ZRSR2: variants seen among roughly 807,000 people sequenced by gnomAD.
ZRSR2 encodes U2 small nuclear ribonucleoprotein auxiliary factor 35 kDa subunit-related protein 2.
A neutral mutation model predicts 39.4 loss-of-function variants in ZRSR2; 3 were observed. That is an observed-to-expected ratio of 0.08 (90% CI 0.03 to 0.20). The LOEUF (loss-of-function observed/expected upper bound fraction) is 0.20. Among genes scored for constraint, ZRSR2 ranks in the 10% least tolerant of loss-of-function variants. The pLI, the probability that ZRSR2 is intolerant of heterozygous loss-of-function variation, is 1.00. For missense variants in ZRSR2, 256 were observed against 391.5 expected (o/e 0.65, Z 2.92); for synonymous variants, 137 against 136.0 (o/e 1.01, Z -0.05).
intron 2 of ZRSR2, among the ~76,000 whole-genome samples, chrX:15,796,553 A>G (rs1932467727): frequency 9.0e-6 from 1 of 111,157 alleles, no homozygotes; most frequent in South Asian, 3.7e-4. Context: ...AGTTAATTTC[A>G]TGCAGTTATG....
chrX:15,791,560 C>T (rs1415709248), intron 2 of ZRSR2, among the ~76,000 whole-genome samples: 1 of 111,303 alleles, frequency 9.0e-6, no homozygotes, highest in African/African-American at 3.3e-5. Flanking sequence ...GCCTCCACCT[C>T]CCAGGCTCAA....
At chrX:15,808,132 G>T (rs187932928) in intron 5 of ZRSR2, 101 bp from the exon 6 acceptor site, 66 of 694,674 alleles carry the variant, frequency 9.5e-5, no homozygotes, top group Non-Finnish European at 7.0e-6. Context: ...GTGTGCGTGT[G>T]TGTGTTTTAA....
chrX:15,818,485 G>T, intron 8 of ZRSR2, 102 bp from the exon 9 acceptor site: 1 of 725,252 alleles, frequency 1.4e-6, no homozygotes. Context: ...ATCTTTGATT[G>T]GTAACTACTT....
At chrX:15,807,991 G>A (rs1409675313) in intron 5 of ZRSR2, among the ~76,000 whole-genome samples, 1 of 110,242 alleles carries the variant, frequency 9.1e-6, no homozygotes, top group African/African-American at 3.3e-5. Context: ...AGTGAGCTGA[G>A]GTCACGCCAC....
At chrX:15,806,761 G>T (rs1194563537) in intron 5 of ZRSR2, among the ~76,000 whole-genome samples, 1 of 110,618 alleles carries the variant, frequency 9.0e-6, no homozygotes, top group Non-Finnish European at 1.9e-5. Flanking sequence ...TCTGCCTCCC[G>T]GGTTCAAGCG....
At chrX:15,803,359 T>G (rs1186593643) in intron 3 of ZRSR2, among the ~76,000 whole-genome samples, 4 of 111,817 alleles carry the variant, frequency 3.6e-5, no homozygotes, top group Non-Finnish European at 7.5e-5. Flanking sequence ...TTGCTACCCA[T>G]TTTATTGTCA....
chrX:15,794,712 A>G (rs1932392104), intron 2 of ZRSR2, among the ~76,000 whole-genome samples: 1 of 111,703 alleles, frequency 9.0e-6, no homozygotes, highest in African/African-American at 3.3e-5. Flanking sequence ...GGTAGACGGC[A>G]CTTGGTGTAA....
At chrX:15,811,648 G>T (rs1932884926) in intron 7 of ZRSR2, among the ~76,000 whole-genome samples, 1 of 112,045 alleles carries the variant, frequency 8.9e-6, no homozygotes, top group Non-Finnish European at 1.9e-5. Context: ...GGATGGTCTC[G>T]ATCTCTTGAC....
chrX:15,799,735 G>A, intron 2 of ZRSR2, 137 bp from the exon 3 acceptor site: 1 of 406,391 alleles, frequency 2.5e-6, no homozygotes, highest in Non-Finnish European at 4.2e-6. Flanking sequence ...AGGTTGATCA[G>A]AGACCTTTTT....
Position 15,815,913 on chromosome X carries a change from G to T in ZRSR2, c.771+23G>T, listed in dbSNP as rs374416170. ...AAGGTGGGCATGCGTGTGGAGGAGG[G>T]GACTGGTTTGCTTCACCCTGCAGTA... On this transcript the variant is annotated intron_variant, in intron 8 of 10. Transcript: ENST00000307771. 3.4e-6 allele frequency: 4 copies of T among 1,162,865 alleles called. No homozygotes were observed. In the African/African-American group the frequency reaches 5.4e-5, roughly 16 times the overall value.
At chrX:15,797,272 G>A (rs1322528377) in intron 2 of ZRSR2, among the ~76,000 whole-genome samples, 1 of 101,604 alleles carries the variant, frequency 9.8e-6, no homozygotes, top group Non-Finnish European at 2.0e-5. Flanking sequence ...GTGCAGTGGC[G>A]CGATCTTGAC....
At chrX:15,802,701 C>T (rs1014234705) in intron 3 of ZRSR2, among the ~76,000 whole-genome samples, 1 of 110,671 alleles carries the variant, frequency 9.0e-6, no homozygotes, top group Middle Eastern at 4.6e-3. Flanking sequence ...TCAGGTGATC[C>T]GCCCGCCTCA....
In ZRSR2 at chrX:15,799,895, G is replaced by C; in HGVS notation, c.145G>C (p.Glu49Gln). The change falls in exon 3 of 11, where the codon GAG becomes CAG. Residue 49 changes from glutamate to glutamine, a missense_variant. Glu to Gln is a conservative substitution (Grantham distance 29). Around this residue, in one of 3 missense-constraint regions of ZRSR2, gnomAD observed 87 missense variants for 111.7 expected, o/e 0.78. Transcript: ENST00000307771. Reference protein sequence around the residue: ...DSGLSQKEEEEDTFIEEQQLE... With the variant: ...DSGLSQKEEEQDTFIEEQQLE... Reference sequence around the variant, plus strand: ...AGGACTCTCACAGAAGGAGGAAGAGGAGGACACTTTTATTGAAGAACAACA... The same window carrying C: ...AGGACTCTCACAGAAGGAGGAAGAGCAGGACACTTTTATTGAAGAACAACA... 1.7e-6 allele frequency: 2 copies of C among 1,203,071 alleles called. No individual in the cohort carries two copies. Among genetic ancestry groups the C allele is most frequent in the Non-Finnish European group, 2.2e-6 (2 of 889,158 alleles).
intron 2 of ZRSR2, among the ~76,000 whole-genome samples, chrX:15,796,731 G>T (rs986556241): frequency 9.7e-6 from 1 of 103,431 alleles, no homozygotes; most frequent in African/African-American, 3.5e-5. Context: ...GTTTGAGACC[G>T]AACTTCTCTG....
intron 8 of ZRSR2, among the ~76,000 whole-genome samples, chrX:15,816,430 T>C (rs965111211): frequency 5.3e-5 from 6 of 112,257 alleles, no homozygotes; most frequent in Non-Finnish European, 1.1e-4. Flanking sequence ...CCCCCTTCTT[T>C]TTTTTACACT....
In ZRSR2 at chrX:15,799,910, G is replaced by A. The variant is rs771966906; in HGVS notation, c.160G>A (p.Glu54Lys). The A allele has an allele frequency of 8.3e-7, 1 of 1,205,346 alleles. No homozygotes were observed. Among genetic ancestry groups the A allele is most frequent in the Non-Finnish European group, 1.1e-6 (1 of 891,270 alleles). ...GGAGGAAGAGGAGGACACTTTTATT[G>A]AAGAACAACAACTAGAAGAAGAGAA... The part of the protein sequence containing the change: ...QKEEEEDTFI[E>K]EQQLEEEKLL... Residue 54 changes from glutamate to lysine, a missense_variant, in exon 3 of 11, where the codon GAA becomes AAA. Glu to Lys is a moderately conservative substitution (Grantham distance 56). This residue lies in a region of ZRSR2 where 87 missense variants were observed against 111.7 expected (regional missense o/e 0.78). Transcript: ENST00000307771.
chrX:15,815,133 G>A lies in ZRSR2; in HGVS notation c.558-544G>A, dbSNP rs148769893. Among the ~76,000 whole-genome samples, 74 of 112,055 alleles carry A rather than the reference G, an allele frequency of 6.6e-4. 2 individuals carry two copies. The East Asian group carries it at 0.017, about 26-fold the overall frequency. On this transcript the variant is annotated intron_variant, in intron 7 of 10. Transcript: ENST00000307771. ...CTGAATGGTATATGAACTTTGAAAT[G>A]TTTCCAACTTGACATTAAAACAGCA...
chrX:15,810,215 G>C (rs1364200317), intron 7 of ZRSR2, among the ~76,000 whole-genome samples: 1 of 112,103 alleles, frequency 8.9e-6, no homozygotes, highest in African/African-American at 3.2e-5. Context: ...CGTTCATGTG[G>C]AAACCTAGTG....
chrX:15,822,643 A>G (rs990677215), intron 10 of ZRSR2, 88 bp from the exon 11 acceptor site: 2 of 1,188,058 alleles, frequency 1.7e-6, no homozygotes, highest in Non-Finnish European at 1.1e-6. Context: ...GCATATCCAA[A>G]TATCAGAAAT....
Sources: gnomAD v4.1 joint callset for allele counts (sites outside exome capture counted in the v4.1 genomes callset) on GRCh38, gnomAD v4.1.1 for gene constraint, gnomAD v4.1.1 regional missense constraint, MANE v1.5 for transcripts, NCBI Gene and HGNC (gene_info 2026-07-23, HGNC 2026-07-21) for gene names.